EDN1: variants seen among roughly 807,000 people sequenced by gnomAD.
EDN1 encodes the protein endothelin 1.
In EDN1, 11 loss-of-function variants were observed where a neutral mutation model predicts 21.7. The ratio of observed to expected loss-of-function variants is 0.51; its 90% CI spans 0.32 to 0.84. The LOEUF is 0.84. Ranked by LOEUF, EDN1 falls within the 40% of genes least tolerant of loss-of-function variation. The probability of loss-of-function intolerance (pLI) is 0.03; values close to 1 mark genes in which losing one functional copy is unlikely to be tolerated. For missense variants in EDN1, 244 were observed against 262.3 expected (o/e 0.93, Z 0.48); for synonymous variants, 85 against 90.6 (o/e 0.94, Z 0.35).
the EDN1 span, among the ~76,000 whole-genome samples, chr6:12,250,247 G>C: frequency 1.3e-5 from 2 of 151,902 alleles, no homozygotes; most frequent in South Asian, 2.1e-4. Flanking sequence ...GCCTAAGTTA[G>C]ATTAAAAAGA....
the EDN1 span, among the ~76,000 whole-genome samples, chr6:12,279,450 G>T: frequency 6.6e-6 from 1 of 152,192 alleles, no homozygotes; most frequent in Non-Finnish European, 1.5e-5. Flanking sequence ...AAGATGAAGT[G>T]TTGAGATGGA....
At chr6:12,293,199 T>G (rs1762730237) in intron 2 of EDN1, among the ~76,000 whole-genome samples, 1 of 152,158 alleles carries the variant, frequency 6.6e-6, no homozygotes, top group Non-Finnish European at 1.5e-5. Context: ...ACATTTACTA[T>G]GCATACAATG....
chr6:12,294,505 C>A, intron 4 of EDN1, 101 bp downstream of exon 4: 1 of 1,411,662 alleles, frequency 7.1e-7, no homozygotes, highest in Non-Finnish European at 1.0e-6. Flanking sequence ...CTTACCCGGG[C>A]AGGTGAAAGA....
the EDN1 span, among the ~76,000 whole-genome samples, chr6:12,236,008 A>G: frequency 6.6e-6 from 1 of 152,174 alleles, no homozygotes. Flanking sequence ...TTGTTTCTCC[A>G]TGTTTTTCTT....
At chr6:12,276,784 A>T in the EDN1 span, among the ~76,000 whole-genome samples, 1 of 152,246 alleles carries the variant, frequency 6.6e-6, no homozygotes, top group Non-Finnish European at 1.5e-5. Context: ...CTCCTGCTCA[A>T]ACACCAATGC....
At chr6:12,264,954 C>G in the EDN1 span, among the ~76,000 whole-genome samples, 4 of 152,108 alleles carry the variant, frequency 2.6e-5, no homozygotes, top group Admixed American at 2.6e-4. Flanking sequence ...CTTTTATGAG[C>G]CATATCCTCC....
chr6:12,244,680 C>CTG, the EDN1 span, among the ~76,000 whole-genome samples: 1 of 152,188 alleles, frequency 6.6e-6, no homozygotes, highest in African/African-American at 2.4e-5. Context: ...TTAGAGTATA[C>CTG]TGTAAGTGCT....
upstream of EDN1, among the ~76,000 whole-genome samples, chr6:12,287,521 G>A (rs187581535): frequency 6.6e-6 from 1 of 152,208 alleles, no homozygotes; most frequent in East Asian, 1.9e-4. Flanking sequence ...CTGTGGGCTT[G>A]AATGGGGCTT....
intron 1 of EDN1, 28 bp from the exon 2 acceptor site, chr6:12,292,313 C>G (rs1762703726): frequency 1.9e-6 from 3 of 1,612,652 alleles, no homozygotes; most frequent in Non-Finnish European, 2.5e-6. Flanking sequence ...GGAGACATCC[C>G]CCACTGACCT....
the EDN1 span, among the ~76,000 whole-genome samples, chr6:12,278,965 G>T: frequency 6.6e-6 from 1 of 152,026 alleles, no homozygotes; most frequent in Admixed American, 6.5e-5. Context: ...TTTAGCACTT[G>T]GCTTATTTTT....
chr6:12,284,740 GAAGGAAGGAAGAAAGA>G, the EDN1 span, among the ~76,000 whole-genome samples: 1,995 of 84,980 alleles, frequency 0.023, 21 homozygotes, highest in Non-Finnish European at 0.034. Context: ...AGGAAGGAAG[GAAGGAAGGAAGAAAGA>G]AAGAAAGAAA....
the EDN1 span, among the ~76,000 whole-genome samples, chr6:12,273,900 G>T: frequency 3.9e-5 from 6 of 152,252 alleles, no homozygotes; most frequent in East Asian, 9.6e-4. Context: ...ATTTGAGGAG[G>T]TCATACAATA....
At chr6:12,281,669 T>C in the EDN1 span, among the ~76,000 whole-genome samples, 1 of 152,250 alleles carries the variant, frequency 6.6e-6, no homozygotes, top group African/African-American at 2.4e-5. Context: ...TTAGGTGTTC[T>C]CATAATTTGG....
the EDN1 span, among the ~76,000 whole-genome samples, chr6:12,277,360 A>T: frequency 6.6e-6 from 1 of 152,230 alleles, no homozygotes; most frequent in Non-Finnish European, 1.5e-5. Flanking sequence ...TTGAGCACCA[A>T]CTACGCACCA....
At chr6:12,235,010 TG>T in the EDN1 span, among the ~76,000 whole-genome samples, 1 of 152,168 alleles carries the variant, frequency 6.6e-6, no homozygotes. Context: ...TCATATTCAT[TG>T]TTTGAAGGGG....
At chr6:12,262,716 A>G in the EDN1 span, among the ~76,000 whole-genome samples, 1 of 152,050 alleles carries the variant, frequency 6.6e-6, no homozygotes, top group African/African-American at 2.4e-5. Context: ...TACTAAAAAT[A>G]TAAAAATTAG....
chr6:12,292,448 C>A lies in EDN1; in HGVS notation c.172C>A (p.Leu58Met), dbSNP rs754711482. Residue 58 changes from leucine (L) to methionine (M), a missense_variant, in exon 2 of 5, where the codon CTG becomes ATG. By Grantham distance (15) the Leu-to-Met change is conservative (BLOSUM62 2). Coordinates refer to ENST00000379375, the MANE Select transcript of EDN1 (RefSeq NM_001955.5). ...GTCCAAGCGCTGCTCCTGCTCGTCC[C>A]TGATGGATAAAGAGTGTGTCTACTT... Reference protein sequence around the residue: ...RRSKRCSCSSLMDKECVYFCH... With the variant: ...RRSKRCSCSSMMDKECVYFCH... 1 of 1,614,254 alleles carries A rather than the reference C, an allele frequency of 6.2e-7. No homozygotes were observed. Among genetic ancestry groups the A allele is most frequent in the Non-Finnish European group, 8.5e-7 (1 of 1,180,050 alleles).
At chr6:12,235,861 A>G in the EDN1 span, among the ~76,000 whole-genome samples, 1 of 152,234 alleles carries the variant, frequency 6.6e-6, no homozygotes, top group African/African-American at 2.4e-5. Context: ...GGTGTCTACC[A>G]TATTGGACAG....
At chr6:12,239,997 A>G in the EDN1 span, among the ~76,000 whole-genome samples, 1 of 152,356 alleles carries the variant, frequency 6.6e-6, no homozygotes, top group East Asian at 1.9e-4. Context: ...TTGGTGGAAC[A>G]GAGGTTATAA....
Sources: gnomAD v4.1 joint callset for allele counts (sites outside exome capture counted in the v4.1 genomes callset) on GRCh38, gnomAD v4.1.1 for gene constraint, MANE v1.5 for transcripts, NCBI Gene and HGNC (gene_info 2026-07-23, HGNC 2026-07-21) for gene names.